Variants in SLC36A3 observed in about 807,000 individuals in gnomAD.
The protein encoded by SLC36A3 is solute carrier family 36 member 3.
In SLC36A3, 35 loss-of-function variants were observed where a neutral mutation model predicts 44.3. The ratio of observed to expected loss-of-function variants is 0.79; its 90% CI spans 0.60 to 1.05. The LOEUF is 1.05. Among genes scored for constraint, SLC36A3 ranks in the 50% least tolerant of loss-of-function variants. The probability of loss-of-function intolerance (pLI) is 0.00; values close to 1 mark genes in which losing one functional copy is unlikely to be tolerated. For synonymous variants in SLC36A3, 211 were observed against 227.6 expected, an observed-to-expected ratio of 0.93 and a Z score of 0.66; for missense variants, 540 against 578.7, an observed-to-expected ratio of 0.93 and a Z score of 0.69.
intron 5 of SLC36A3, among the ~76,000 whole-genome samples, chr5:151,287,878 G>A (rs1490148426): frequency 6.6e-6 from 1 of 152,196 alleles, no homozygotes; most frequent in Admixed American, 6.5e-5. Context: ...ATATTGGTCA[G>A]TATCCATCTG....
chr5:151,277,649 A>T lies in SLC36A3; in HGVS notation c.1157T>A (p.Ile386Asn), dbSNP rs370230960. The T allele has an allele frequency of 6.2e-7, 1 of 1,613,862 alleles. No homozygotes were observed. The highest frequency in any genetic ancestry group is 1.3e-5 in the African/African-American group (1 of 74,910). ...GACCAAGTCCAGGCGGGGGATGAGG[A>T]TGGCTGAGACACCTGCAATGAAAGG... ...ALVCLTCVSA[I>N]LIPRLDLVIS... is the part of the protein sequence containing the mutation. Residue 386 changes from isoleucine (I) to asparagine (N), a missense_variant, in exon 10 of 10, where the codon ATC becomes AAC. By Grantham distance (149) the Ile-to-Asn change is moderately radical. Transcript: ENST00000335230.
At chr5:151,280,093 G>A (rs932571070) in intron 9 of SLC36A3, among the ~76,000 whole-genome samples, 4 of 152,134 alleles carry the variant, frequency 2.6e-5, no homozygotes, top group African/African-American at 7.2e-5. Context: ...GTGCTCATGA[G>A]TGAGTGAATG....
chr5:151,282,895 T>C (rs1039808417), intron 8 of SLC36A3, among the ~76,000 whole-genome samples: 8 of 151,942 alleles, frequency 5.3e-5, no homozygotes, highest in Non-Finnish European at 1.0e-4. Context: ...TCTTTTTTTT[T>C]TTTTTTGAGA....
At chr5:151,290,477 C>T (rs1754716254) in intron 4 of SLC36A3, among the ~76,000 whole-genome samples, 1 of 152,204 alleles carries the variant, frequency 6.6e-6, no homozygotes, top group Non-Finnish European at 1.5e-5. Context: ...CACATGTGCT[C>T]ATCCCAGCTT....
In SLC36A3 at chr5:151,291,057, A is replaced by G. The variant is rs376954328; in HGVS notation, c.404+2307T>C. ...GAGTGTAGTGGTGCAGTCATGGCTC[A>G]CTGCAGCCTCAACCTCCTGGGCTCA... On this transcript the variant is annotated intron_variant, in intron 4 of 9. Coordinates refer to ENST00000335230, the MANE Select transcript of SLC36A3 (RefSeq NM_181774.4). 4.0e-5 allele frequency among the ~76,000 whole-genome samples: 6 copies of G among 150,940 alleles called. No individual in the cohort carries two copies. The South Asian group carries it at 8.4e-4, about 21-fold the overall frequency.
intron 3 of SLC36A3, 123 bp from the exon 4 acceptor site, chr5:151,293,582 C>G (rs1041816057): frequency 6.5e-6 from 5 of 766,036 alleles, no homozygotes; most frequent in Non-Finnish European, 8.3e-6. Context: ...CAATTTTCTC[C>G]CAGTGATCTA....
At chr5:151,281,404 G>A (rs1050603473) in intron 8 of SLC36A3, among the ~76,000 whole-genome samples, 1 of 152,238 alleles carries the variant, frequency 6.6e-6, no homozygotes, top group Non-Finnish European at 1.5e-5. Context: ...AATGTTAGAT[G>A]ATTCAGGCCA....
rs70976011 is a variant in SLC36A3, at chr5:151,282,111, GTTTTTTTTTTTT to G, written c.975-940_975-929del. On this transcript the variant is annotated intron_variant, in intron 8 of 9. Coordinates refer to ENST00000335230, the MANE Select transcript of SLC36A3 (RefSeq NM_181774.4). ...CCCAATATTTCTTTTCTTTTTCTTTGTTTTTTTTTTTTTTTTTTTTTTTTTTGAGACGGAGTT... is the reference window on the plus strand; with the variant it reads ...CCCAATATTTCTTTTCTTTTTCTTTGTTTTTTTTTTTTTTGAGACGGAGTT... Among the ~76,000 whole-genome samples the G allele has an allele frequency of 3.6e-4, 20 of 56,130 alleles. 1 individual carries two copies. In the East Asian group the frequency reaches 0.011, roughly 30 times the overall value. The allele number at this position is 56,130 out of a possible 152,430, so 36.8% of individuals were successfully genotyped here.
In SLC36A3 at chr5:151,284,184, C is replaced by A. The variant is rs1754442534; in HGVS notation, c.834G>T (p.Lys278Asn). ...GAACAAAAGAAAACTGCTGTGGATGCTTCATCTGGTTTTTGAGAGGCAGAA... is the reference window on the plus strand; with the variant it reads ...GAACAAAAGAAAACTGCTGTGGATGATTCATCTGGTTTTTGAGAGGCAGAA... ...GMVLPLKNQM[K>N]HPQQFSFVLY... Residue 278 changes from lysine (K) to asparagine (N), a missense_variant, in exon 8 of 10, where the codon AAG (lysine) becomes AAT (asparagine). By Grantham distance (94) the Lys-to-Asn change is moderately conservative. Transcript: ENST00000335230. 1 of 1,607,952 alleles carries A rather than the reference C, an allele frequency of 6.2e-7. No individual in the cohort carries two copies. The highest frequency in any genetic ancestry group is 8.5e-7 in the Non-Finnish European group (1 of 1,177,996).
chr5:151,287,455 T>C lies in SLC36A3; in HGVS notation c.499A>G (p.Lys167Glu), dbSNP rs978012. The stretch of plus-strand genomic sequence containing the variant: ...CAGATGTTGGAGGTCACGTGGGCTT[T>C]TTCCACCATCTGACATAAAGCACAA... ...MADNLQQMVE[K>E]AHVTSNICQP... Residue 167 changes from lysine (K) to glutamate (E), a missense_variant, in exon 6 of 10, where the codon AAA becomes GAA. Coordinates refer to ENST00000335230, the MANE Select transcript of SLC36A3 (RefSeq NM_181774.4). 0.41 allele frequency: 666,523 copies of C among 1,612,872 alleles called. 145,159 individuals are homozygous for C. The highest frequency in any genetic ancestry group is 0.72 in the African/African-American group (53,877 of 74,946).
At position 151,288,699 on chromosome 5, in the gene SLC36A3, A is replaced by T. The variant is rs561741015; in HGVS notation, c.405-229T>A. Among the ~76,000 whole-genome samples, 4 of 151,594 alleles carry T rather than the reference A, an allele frequency of 2.6e-5. No homozygotes were observed. The South Asian group carries it at 8.3e-4, about 31-fold the overall frequency. On this transcript the variant is annotated intron_variant, in intron 4 of 9. Transcript: ENST00000335230. ...TTGTTAATTTTTGGCCCCAAATTGC[A>T]TTACATATATATATAATATATATGT...
Position 151,290,851 on chromosome 5 carries a change from C to T in SLC36A3, c.405-2381G>A, listed in dbSNP as rs569232234. Among the ~76,000 whole-genome samples, 29 of 151,876 alleles carry T rather than the reference C, an allele frequency of 1.9e-4. No homozygotes were observed. The East Asian group carries it at 5.2e-3, about 27-fold the overall frequency. ...TGGAGCTTGCAGTGAGCCGAGATCGCGCCACTGCACTCCAGACTCTGTCTC... is the reference window on the plus strand; with the variant it reads ...TGGAGCTTGCAGTGAGCCGAGATCGTGCCACTGCACTCCAGACTCTGTCTC... On this transcript the variant is annotated intron_variant, in intron 4 of 9. Coordinates refer to ENST00000335230, the MANE Select transcript of SLC36A3 (RefSeq NM_181774.4).
intron 1 of SLC36A3, 137 bp downstream of exon 1, chr5:151,303,090 A>G: frequency 8.7e-7 from 1 of 1,153,242 alleles, no homozygotes; most frequent in Non-Finnish European, 1.2e-6. Context: ...TAGATTCTGA[A>G]GGTTTCATCT....
chr5:151,288,311 A>C, intron 5 of SLC36A3, 75 bp downstream of exon 5: 2 of 1,210,508 alleles, frequency 1.7e-6, no homozygotes, highest in Non-Finnish European at 2.3e-6. Flanking sequence ...AGCCTAACAC[A>C]ATACTTTTGC....
At chr5:151,282,325 T>C (rs1007576769) in intron 8 of SLC36A3, among the ~76,000 whole-genome samples, 2 of 151,846 alleles carry the variant, frequency 1.3e-5, no homozygotes, top group African/African-American at 4.8e-5. Flanking sequence ...TGCACCACCA[T>C]GTCCAGCTAA....
intron 4 of SLC36A3, 136 bp from the exon 5 acceptor site, chr5:151,288,606 T>C (rs1277851199): frequency 2.9e-6 from 2 of 687,872 alleles, no homozygotes; most frequent in Non-Finnish European, 4.5e-6. Context: ...TTTTGAAAAA[T>C]TTTTAAGCCA....
intron 9 of SLC36A3, 137 bp from the exon 10 acceptor site, chr5:151,277,798 T>TGCCTGACCTCCC: frequency 1.0e-6 from 1 of 959,138 alleles, no homozygotes; most frequent in Non-Finnish European, 1.5e-6. Context: ...CTTGGGGAGG[T>TGCCTGACCTCCC]CAGGCAACTC....
At chr5:151,299,668 AG>A (rs1755106437) in intron 1 of SLC36A3, among the ~76,000 whole-genome samples, 1 of 152,180 alleles carries the variant, frequency 6.6e-6, no homozygotes, top group African/African-American at 2.4e-5. Context: ...CATTGAACCC[AG>A]AGATGGGAGC....
chr5:151,294,692 C>T (rs919330923), intron 3 of SLC36A3, among the ~76,000 whole-genome samples: 12 of 151,460 alleles, frequency 7.9e-5, no homozygotes, highest in Admixed American at 4.6e-4. Flanking sequence ...TGCAAGGGTG[C>T]GATCTCGGCT....
Sources: gnomAD v4.1 joint callset for allele counts (sites outside exome capture counted in the v4.1 genomes callset) on GRCh38, gnomAD v4.1.1 for gene constraint, MANE v1.5 for transcripts, NCBI Gene and HGNC (gene_info 2026-07-23, HGNC 2026-07-21) for gene names.